The following KLHL5 variants were observed in gnomAD, a reference collection of about 807,000 sequenced individuals.
KLHL5 encodes kelch like family member 5, also known as kelch-like protein 5.
KLHL5 carries 48 observed loss-of-function variants against 77.7 expected under a neutral mutation model. That is an observed-to-expected ratio of 0.62 (90% CI 0.49 to 0.79). The LOEUF is 0.79. Ranked by LOEUF, KLHL5 falls within the 30% of genes least tolerant of loss-of-function variation. The pLI is 0.00. For missense variants in KLHL5, 723 were observed against 859.7 expected (o/e 0.84, Z 1.99); for synonymous variants, 260 against 297.0 (o/e 0.88, Z 1.28).
intron 5 of KLHL5, 21 bp from the exon 6 acceptor site, chr4:39,096,671 A>T: frequency 6.4e-7 from 1 of 1,566,942 alleles, no homozygotes; most frequent in African/African-American, 1.4e-5. Flanking sequence ...TTCAGTATAC[A>T]TACCTACTAT....
In KLHL5 at chr4:39,112,020, T is replaced by C. The variant is rs139616397; in HGVS notation, c.1689-1000T>C. ...TTAACTAACATTTGTAAATTCAAAA[T>C]GTATAATCTTTTCTATGAGCAACAA... On this transcript the variant is annotated intron_variant, in intron 8 of 10. Transcript: ENST00000504108. Among the ~76,000 whole-genome samples the C allele has an allele frequency of 8.1e-4, 124 of 152,234 alleles. 1 individual carries two copies. Among genetic ancestry groups the C allele is most frequent in the African/African-American group, 2.9e-3 (121 of 41,572 alleles).
At chr4:39,129,425 G>A (rs1723715019), downstream of KLHL5, among the ~76,000 whole-genome samples, 1 of 152,110 alleles carries the variant, frequency 6.6e-6, no homozygotes, top group Admixed American at 6.5e-5. The surrounding 1 kb of genome is among the most constrained non-coding windows in gnomAD (Gnocchi z 4.2). Flanking sequence ...GGTCAGGCTG[G>A]TCTCAAACTC....
chr4:39,050,682 A>G (rs1488578515), intron 1 of KLHL5, among the ~76,000 whole-genome samples: 1 of 152,240 alleles, frequency 6.6e-6, no homozygotes, highest in African/African-American at 2.4e-5. Context: ...ACTCTAAGGT[A>G]TAACAAATTA....
chr4:39,068,467 A>C (rs890289323), intron 1 of KLHL5, among the ~76,000 whole-genome samples: 4 of 88,022 alleles, frequency 4.5e-5, no homozygotes, highest in African/African-American at 1.8e-4. Context: ...GTGTGTGTGA[A>C]ATATTTCATA....
intron 1 of KLHL5, among the ~76,000 whole-genome samples, chr4:39,069,637 C>A (rs1357298545): frequency 6.6e-6 from 1 of 151,166 alleles, no homozygotes; most frequent in Non-Finnish European, 1.5e-5. Flanking sequence ...ACTACCTAGC[C>A]ACCTCAAAAT....
At chr4:39,103,266 C>A in intron 6 of KLHL5, 21 bp from the exon 7 acceptor site, 1 of 1,545,254 alleles carries the variant, frequency 6.5e-7, no homozygotes, top group Non-Finnish European at 8.9e-7. Flanking sequence ...ATTTACATAA[C>A]TTCTATATAT....
At chr4:39,137,555 G>A in the KLHL5 span, among the ~76,000 whole-genome samples, 2 of 152,284 alleles carry the variant, frequency 1.3e-5, no homozygotes, top group African/African-American at 4.8e-5. Context: ...AGGAGGTCGA[G>A]GCTGCAGTGA....
At chr4:39,085,382 A>G (rs1719952782) in intron 4 of KLHL5, among the ~76,000 whole-genome samples, 1 of 152,178 alleles carries the variant, frequency 6.6e-6, no homozygotes. Context: ...GGAAAATATA[A>G]TTCTCATTTT....
intron 7 of KLHL5, among the ~76,000 whole-genome samples, chr4:39,107,196 C>G (rs964674692): frequency 2.0e-5 from 3 of 151,864 alleles, no homozygotes. Flanking sequence ...TACAGGTGCC[C>G]GCCACCATGC....
chr4:39,090,879 T>C (rs1720474420), intron 5 of KLHL5, among the ~76,000 whole-genome samples: 1 of 152,062 alleles, frequency 6.6e-6, no homozygotes, highest in South Asian at 2.1e-4. Context: ...CATGGCTCAC[T>C]GCAGCCTCAA....
intron 5 of KLHL5, among the ~76,000 whole-genome samples, chr4:39,092,830 C>G (rs1447164745): frequency 1.3e-5 from 2 of 152,104 alleles, no homozygotes; most frequent in African/African-American, 4.8e-5. Context: ...TCCACCTTCC[C>G]GAATGGCTAA....
intron 7 of KLHL5, among the ~76,000 whole-genome samples, chr4:39,105,528 G>A (rs961829441): frequency 2.6e-5 from 4 of 151,144 alleles, no homozygotes; most frequent in Non-Finnish European, 4.4e-5. Context: ...GACATATTAT[G>A]CATTACATAT....
In KLHL5 at chr4:39,046,620, T is replaced by C. The variant is rs181758229; in HGVS notation, c.-95+1524T>C. On this transcript the variant is annotated intron_variant, in intron 1 of 11. Transcript: ENST00000261425. ...TAAAATAACAAAGTTTCATTTTGTT[T>C]CTAATTCCAAGATTAGAAACAAACC... Among the ~76,000 whole-genome samples, 28 of 152,250 alleles carry C rather than the reference T, an allele frequency of 1.8e-4. No homozygotes were observed. The East Asian group carries it at 5.0e-3, about 27-fold the overall frequency.
At chr4:39,045,628 G>A (rs900938568) in intron 1 of KLHL5, among the ~76,000 whole-genome samples, 1 of 152,114 alleles carries the variant, frequency 6.6e-6, no homozygotes, top group African/African-American at 2.4e-5. Flanking sequence ...CGTGCCTGGT[G>A]AAACTTTTGC....
chr4:39,082,892 G>A (rs1280535206), intron 4 of KLHL5, among the ~76,000 whole-genome samples: 1 of 133,506 alleles, frequency 7.5e-6, no homozygotes, highest in African/African-American at 2.6e-5. Context: ...GCAAGGGAGG[G>A]TGTTATGGGT....
intron 1 of KLHL5, among the ~76,000 whole-genome samples, chr4:39,049,826 C>T (rs1180959538): frequency 6.6e-6 from 1 of 152,206 alleles, no homozygotes; most frequent in East Asian, 1.9e-4. Flanking sequence ...AATCCCAGCA[C>T]TTTGGTAGGC....
rs980770508 is a variant in KLHL5, at chr4:39,107,663, C to T, written c.1620C>T (p.Arg540=). 1.9e-6 allele frequency: 3 copies of T among 1,612,312 alleles called. No individual in the cohort carries two copies. The highest frequency in any genetic ancestry group is 1.3e-5 in the African/African-American group (1 of 74,938). Residue 540 remains arginine (R), a synonymous_variant, in exon 8 of 11, where the codon CGC becomes CGT. Transcript: ENST00000504108. ...TGGAAAGATGGGACCCTCAGGCTCG[C>T]CAGTGGAATTTTGTTGCCACTATGT... The part of the protein sequence containing the change: ...NTVERWDPQA[R]QWNFVATMST...
chr4:39,062,742 TAC>T lies in KLHL5; in HGVS notation c.92_93del (p.Thr31SerfsTer2). 1.2e-6 allele frequency: 2 copies of T among 1,614,170 alleles called. No homozygotes were observed. Among genetic ancestry groups the T allele is most frequent in the Non-Finnish European group, 1.7e-6 (2 of 1,180,000 alleles). On this transcript the variant is annotated frameshift_variant, in exon 1 of 11. Coordinates refer to ENST00000504108, the MANE Select transcript of KLHL5 (RefSeq NM_015990.5). LOFTEE classifies it high-confidence loss of function. ...GTCATCAAGCATCATCTCCTAATTCTACAGTTGACAGCCAGCAGGGAGAATTT... is the reference window on the plus strand; with the variant it reads ...GTCATCAAGCATCATCTCCTAATTCTAGTTGACAGCCAGCAGGGAGAATTT... The part of the protein sequence containing the change: ...FGHQASSPNS[T>X]VDSQQGEFWN...
At chr4:39,098,562 G>A (rs368217245) in intron 6 of KLHL5, among the ~76,000 whole-genome samples, 4 of 150,710 alleles carry the variant, frequency 2.7e-5, no homozygotes, top group African/African-American at 4.9e-5. Context: ...CCAGCGCACC[G>A]GGCCACAACT....
Sources: gnomAD v4.1 joint callset for allele counts (sites outside exome capture counted in the v4.1 genomes callset) on GRCh38, gnomAD v4.1.1 for gene constraint, Gnocchi (gnomAD v3.1) non-coding constraint, MANE v1.5 for transcripts, NCBI Gene and HGNC (gene_info 2026-07-23, HGNC 2026-07-21) for gene names.